The following PLSCR5 variants were observed in gnomAD, a reference collection of about 807,000 sequenced individuals.
PLSCR5 encodes phospholipid scramblase family member 5.
Under a neutral mutation model 33.6 loss-of-function variants are expected in PLSCR5, and 44 were observed. The ratio of observed to expected loss-of-function variants is 1.31; its 90% CI spans 1.03 to 1.69. PLSCR5 has a LOEUF of 1.69. Ranked by LOEUF, PLSCR5 falls within the 40% of genes most tolerant of loss-of-function variation. The probability of loss-of-function intolerance (pLI) is 0.00; values close to 1 mark genes in which losing one functional copy is unlikely to be tolerated. For missense variants in PLSCR5, 375 were observed against 318.7 expected (o/e 1.18, Z -1.34); for synonymous variants, 148 against 112.3 (o/e 1.32, Z -2.01).
In PLSCR5 at chr3:146,587,156, T is replaced by A. The variant is rs201451523; in HGVS notation, c.778-1044A>T. On this transcript the variant is annotated intron_variant, in intron 6 of 7. Transcript: ENST00000443512. ...TTGTTCAAGTGCAGGTCCTGATGCA[T>A]CTGGGGTGGGATCTGAGATTCTTTG... 5.3e-5 allele frequency among the ~76,000 whole-genome samples: 8 copies of A among 152,240 alleles called. No individual in the cohort carries two copies. In the East Asian group the frequency reaches 1.4e-3, roughly 26 times the overall value.
intron 6 of PLSCR5, among the ~76,000 whole-genome samples, chr3:146,586,498 G>T (rs893609501): frequency 2.0e-5 from 3 of 152,082 alleles, no homozygotes; most frequent in African/African-American, 7.2e-5. Context: ...CAAACTTTTG[G>T]GTGATAAACC....
chr3:146,601,183 A>G (rs888717262), intron 1 of PLSCR5, among the ~76,000 whole-genome samples: 3 of 151,712 alleles, frequency 2.0e-5, no homozygotes, highest in African/African-American at 7.2e-5. Flanking sequence ...ATCATCTTTT[A>G]TTTTGAAATT....
intron 7 of PLSCR5, among the ~76,000 whole-genome samples, chr3:146,579,226 A>C (rs2107844948): frequency 6.6e-6 from 1 of 152,276 alleles, no homozygotes; most frequent in Non-Finnish European, 1.5e-5. Context: ...GCAAAACACA[A>C]TGTAAGGAGA....
chr3:146,598,560 T>C (rs2044782910), intron 2 of PLSCR5, among the ~76,000 whole-genome samples: 1 of 152,212 alleles, frequency 6.6e-6, no homozygotes, highest in South Asian at 2.1e-4. Context: ...CTCTACTTAT[T>C]GAACACAACA....
downstream of PLSCR5, among the ~76,000 whole-genome samples, chr3:146,580,964 C>T (rs1291017604): frequency 2.0e-5 from 3 of 152,128 alleles, no homozygotes; most frequent in Non-Finnish European, 4.4e-5. Flanking sequence ...CATTAACAAT[C>T]AAACGAGTAA....
At chr3:146,594,257 TATC>T in intron 3 of PLSCR5, 117 bp from the exon 4 acceptor site, 1 of 723,066 alleles carries the variant, frequency 1.4e-6, no homozygotes, top group South Asian at 2.0e-5. Flanking sequence ...AAATATATGG[TATC>T]TTCTTCACAC....
downstream of PLSCR5, among the ~76,000 whole-genome samples, chr3:146,583,361 G>T (rs1306037835): frequency 1.3e-5 from 2 of 152,140 alleles, no homozygotes; most frequent in Admixed American, 1.3e-4. Flanking sequence ...ATCTGGTCAA[G>T]TTTTTCCCAG....
chr3:146,591,939 A>G, intron 4 of PLSCR5, 58 bp from the exon 5 acceptor site: 2 of 1,383,790 alleles, frequency 1.4e-6, no homozygotes, highest in Non-Finnish European at 1.9e-6. Flanking sequence ...TTTTAATTTT[A>G]CTATAATGTC....
At position 146,600,322 on chromosome 3, in the gene PLSCR5, A is replaced by T. The variant is rs1277502105; in HGVS notation, c.155T>A (p.Val52Asp). ...LPLPSSFLPT[V>D]SLPPGLEYLS... ...ATATTCTAGACCAGGAGGGAGACTG[A>T]CTGTTGGCAGGAAACTGCTTGGCAG... Residue 52 changes from valine to aspartate, a missense_variant, in exon 2 of 8, where the codon GTC (valine) becomes GAC (aspartate). Coordinates refer to ENST00000443512, the MANE Select transcript of PLSCR5 (RefSeq NM_001085420.2). 5 of 1,603,568 alleles carry T rather than the reference A, an allele frequency of 3.1e-6. No individual in the cohort carries two copies. Among genetic ancestry groups the T allele is most frequent in the Admixed American group, 1.7e-5 (1 of 59,062 alleles).
downstream of PLSCR5, among the ~76,000 whole-genome samples, chr3:146,584,945 C>G (rs1174879094): frequency 6.6e-6 from 1 of 152,096 alleles, no homozygotes; most frequent in African/African-American, 2.4e-5. Flanking sequence ...ATGCATAAAA[C>G]TGTAGGTGGT....
chr3:146,598,327 T>C (rs908330870), intron 2 of PLSCR5, among the ~76,000 whole-genome samples: 1 of 152,202 alleles, frequency 6.6e-6, no homozygotes, highest in Non-Finnish European at 1.5e-5. Flanking sequence ...TCCAGACTCA[T>C]GGCATAACAG....
intron 4 of PLSCR5, among the ~76,000 whole-genome samples, chr3:146,592,659 A>G (rs1422810209): frequency 6.6e-6 from 1 of 152,104 alleles, no homozygotes; most frequent in Admixed American, 6.6e-5. Flanking sequence ...ATGTTCTTGG[A>G]TAGATAAAAG....
At chr3:146,596,264 C>T (rs773638984) in intron 2 of PLSCR5, among the ~76,000 whole-genome samples, 28 of 152,184 alleles carry the variant, frequency 1.8e-4, no homozygotes, top group Non-Finnish European at 3.8e-4. Flanking sequence ...TCTTGGCTCA[C>T]TGCAACCTCC....
chr3:146,584,994 G>A (rs2044656989), downstream of PLSCR5, among the ~76,000 whole-genome samples: 1 of 152,030 alleles, frequency 6.6e-6, no homozygotes, highest in Non-Finnish European at 1.5e-5. Context: ...ATGGCTTCAT[G>A]GTACCTTGCT....
intron 7 of PLSCR5, among the ~76,000 whole-genome samples, chr3:146,577,258 G>C (rs151260672): frequency 1.3e-5 from 2 of 152,080 alleles, no homozygotes; most frequent in African/African-American, 4.8e-5. Flanking sequence ...TATTTAAAAT[G>C]GTGGGGCATT....
chr3:146,579,152 G>C (rs1389122113), intron 7 of PLSCR5, among the ~76,000 whole-genome samples: 1 of 151,860 alleles, frequency 6.6e-6, no homozygotes, highest in Admixed American at 6.6e-5. Context: ...ATAAGAAATA[G>C]ACAAAATCCA....
At chr3:146,582,450 A>G (rs1405913049), downstream of PLSCR5, among the ~76,000 whole-genome samples, 3 of 152,156 alleles carry the variant, frequency 2.0e-5, no homozygotes, top group African/African-American at 7.2e-5. Flanking sequence ...ACTTTATGCA[A>G]ATTAGATGCC....
chr3:146,599,999 C>G (rs946700714), intron 2 of PLSCR5, among the ~76,000 whole-genome samples: 2 of 151,996 alleles, frequency 1.3e-5, no homozygotes, highest in Non-Finnish European at 2.9e-5. Context: ...TTTACTGACA[C>G]CTTGAACAAT....
chr3:146,587,748 C>T (rs369735661), intron 6 of PLSCR5, among the ~76,000 whole-genome samples: 1 of 152,094 alleles, frequency 6.6e-6, no homozygotes, highest in South Asian at 2.1e-4. Context: ...GTTTAAAAAC[C>T]TAGCACTCTA....
Sources: gnomAD v4.1 joint callset for allele counts (sites outside exome capture counted in the v4.1 genomes callset) on GRCh38, gnomAD v4.1.1 for gene constraint, MANE v1.5 for transcripts, NCBI Gene and HGNC (gene_info 2026-07-23, HGNC 2026-07-21) for gene names.